The following TBK1 variants were observed in gnomAD, a reference collection of about 807,000 sequenced individuals.
TBK1 encodes the protein serine/threonine-protein kinase TBK1.
TBK1 carries 37 observed loss-of-function variants against 99.9 expected under a neutral mutation model. The observed-to-expected ratio is 0.37, with a 90% CI of 0.28 to 0.49. The LOEUF (loss-of-function observed/expected upper bound fraction) is 0.49, where lower values mean the gene tolerates loss of function less well. TBK1 is among the 20% of genes least tolerant of loss of function. The probability of loss-of-function intolerance (pLI) is 0.98; values close to 1 mark genes in which losing one functional copy is unlikely to be tolerated. For synonymous variants in TBK1, 258 were observed against 279.8 expected (o/e 0.92, Z 0.78); for missense variants, 644 against 872.5 (o/e 0.74, Z 3.30).
intron 11 of TBK1, among the ~76,000 whole-genome samples, chr12:64,487,929 A>G (rs2040834665): frequency 6.6e-6 from 1 of 152,232 alleles, no homozygotes; most frequent in African/African-American, 2.4e-5. Flanking sequence ...CATCCCTAAT[A>G]AAAAATATTC....
chr12:64,490,745 C>G (rs1436756271), intron 13 of TBK1, among the ~76,000 whole-genome samples: 2 of 152,106 alleles, frequency 1.3e-5, no homozygotes, highest in East Asian at 3.9e-4. Context: ...TGAGACCAGC[C>G]TGGCCAACAT....
At chr12:64,480,187 A>G (rs2040755236) in intron 7 of TBK1, 65 bp downstream of exon 7, 3 of 1,086,780 alleles carry the variant, frequency 2.8e-6, no homozygotes, top group Non-Finnish European at 4.1e-6. Flanking sequence ...GTTGCCTAGA[A>G]CCACAGATAC....
At chr12:64,482,151 T>G in intron 8 of TBK1, 130 bp downstream of exon 8, 1 of 523,206 alleles carries the variant, frequency 1.9e-6, no homozygotes, top group Non-Finnish European at 3.0e-6. Flanking sequence ...AAAATTATAT[T>G]TAAGTGCTTA....
chr12:64,454,581 T>G (rs564754849), intron 1 of TBK1, among the ~76,000 whole-genome samples: 12 of 151,514 alleles, frequency 7.9e-5, no homozygotes, highest in Non-Finnish European at 1.5e-4. Context: ...CTGTGTTAAG[T>G]GAATTAAATT....
intron 5 of TBK1, 50 bp downstream of exon 5, chr12:64,467,132 T>G (rs1346599573): frequency 7.3e-7 from 1 of 1,379,224 alleles, no homozygotes; most frequent in African/African-American, 1.5e-5. Context: ...TGATATATTG[T>G]AATTATAATT....
intron 6 of TBK1, among the ~76,000 whole-genome samples, chr12:64,475,418 C>T (rs1389442833): frequency 2.0e-5 from 3 of 152,130 alleles, no homozygotes; most frequent in Non-Finnish European, 2.9e-5. Context: ...GCCCTTGTCT[C>T]CTTCCCTCCC....
At chr12:64,455,995 G>A in intron 2 of TBK1, 38 bp downstream of exon 2, 1 of 1,466,290 alleles carries the variant, frequency 6.8e-7, no homozygotes, top group Non-Finnish European at 9.4e-7. Context: ...TTTTATCACT[G>A]TATGTATTTT....
At chr12:64,481,622 T>G (rs201128413) in intron 7 of TBK1, among the ~76,000 whole-genome samples, 5 of 152,192 alleles carry the variant, frequency 3.3e-5, no homozygotes, top group Non-Finnish European at 5.9e-5. Context: ...AAGACCCCAT[T>G]TCTAGAAGAA....
At chr12:64,455,691 AACTT>A (rs775370896) in intron 1 of TBK1, 145 bp from the exon 2 acceptor site, 7 of 552,036 alleles carry the variant, frequency 1.3e-5, no homozygotes, top group Non-Finnish European at 2.2e-5. Context: ...AATACTTTGA[AACTT>A]AAGATATTTA....
At chr12:64,477,582 A>G (rs996616482) in intron 6 of TBK1, among the ~76,000 whole-genome samples, 2 of 152,194 alleles carry the variant, frequency 1.3e-5, no homozygotes, top group African/African-American at 4.8e-5. Flanking sequence ...TAGGTTTAGA[A>G]TCATACTGTC....
intron 20 of TBK1, among the ~76,000 whole-genome samples, chr12:64,500,302 T>C (rs908194047): frequency 1.3e-5 from 2 of 152,186 alleles, no homozygotes; most frequent in Admixed American, 6.5e-5. Flanking sequence ...CTGCTCCTTA[T>C]CCTGTTCAAA....
At chr12:64,476,539 G>A (rs1437309824) in intron 6 of TBK1, among the ~76,000 whole-genome samples, 4 of 151,982 alleles carry the variant, frequency 2.6e-5, no homozygotes, top group African/African-American at 9.7e-5. Context: ...TTGTTGATTC[G>A]TTTAAGTTCC....
chr12:64,499,405 G>A (rs1423212844), intron 20 of TBK1, among the ~76,000 whole-genome samples: 1 of 151,622 alleles, frequency 6.6e-6, no homozygotes, highest in Non-Finnish European at 1.5e-5. Context: ...TATGCATTTG[G>A]CAACATTGAA....
intron 11 of TBK1, among the ~76,000 whole-genome samples, chr12:64,486,709 A>G (rs532340845): frequency 2.6e-5 from 4 of 152,146 alleles, no homozygotes; most frequent in African/African-American, 9.6e-5. Flanking sequence ...GGCATGAGCC[A>G]CACCCAGCCT....
chr12:64,488,038 T>C (rs11175412), intron 11 of TBK1, among the ~76,000 whole-genome samples: 47,100 of 152,068 alleles, frequency 0.31, 7,736 homozygotes, highest in East Asian at 0.56. Context: ...AGTATGTATA[T>C]ATGCAAATAT....
At chr12:64,454,314 T>C (rs1326495909) in intron 1 of TBK1, among the ~76,000 whole-genome samples, 1 of 152,208 alleles carries the variant, frequency 6.6e-6, no homozygotes, top group Non-Finnish European at 1.5e-5. Context: ...TGGTGCGATC[T>C]CAGCTCACTG....
At chr12:64,460,802 C>A (rs545013933) in intron 3 of TBK1, among the ~76,000 whole-genome samples, 1 of 149,224 alleles carries the variant, frequency 6.7e-6, no homozygotes, top group South Asian at 2.1e-4. Flanking sequence ...CCACTGCACT[C>A]CAGCCTGGCA....
chr12:64,472,226 G>C (rs1424684446), intron 5 of TBK1, among the ~76,000 whole-genome samples: 1 of 151,560 alleles, frequency 6.6e-6, no homozygotes, highest in East Asian at 1.9e-4. Context: ...TTTCTCAAAA[G>C]AGTCTTTTTC....
At chr12:64,486,842 C>T (rs1272939209) in intron 11 of TBK1, among the ~76,000 whole-genome samples, 1 of 152,116 alleles carries the variant, frequency 6.6e-6, no homozygotes, top group Non-Finnish European at 1.5e-5. Context: ...ATTTTCATCA[C>T]CCCAGAAAGT....
Sources: allele counts gnomAD v4.1 joint callset (sites outside exome capture counted in the v4.1 genomes callset), GRCh38; gene constraint gnomAD v4.1.1; transcripts MANE v1.5; gene names NCBI Gene and HGNC (gene_info 2026-07-23, HGNC 2026-07-21).